The following IL1RAPL2 variants were observed in gnomAD, a reference collection of about 807,000 sequenced individuals.
IL1RAPL2 encodes the protein interleukin 1 receptor accessory protein like 2, also known as X-linked interleukin-1 receptor accessory protein-like 2.
Under a neutral mutation model 44.1 loss-of-function variants are expected in IL1RAPL2, and 3 were observed. That is an observed-to-expected ratio of 0.07 (90% CI 0.03 to 0.18). IL1RAPL2 has a LOEUF of 0.18. Among genes scored for constraint, IL1RAPL2 ranks in the 10% least tolerant of loss-of-function variants. The pLI is 1.00. For synonymous variants in IL1RAPL2, 181 were observed against 178.8 expected, an observed-to-expected ratio of 1.01 and a Z score of -0.10; for missense variants, 391 against 496.4, an observed-to-expected ratio of 0.79 and a Z score of 2.02.
chrX:105,647,050 G>A (rs937174649), intron 6 of IL1RAPL2, among the ~76,000 whole-genome samples: 2 of 112,293 alleles, frequency 1.8e-5, no homozygotes, highest in African/African-American at 6.5e-5. Flanking sequence ...ATTAGAAGCC[G>A]TGGCTCACGG....
intron 2 of IL1RAPL2, among the ~76,000 whole-genome samples, chrX:104,863,286 A>T (rs1305053549): frequency 1.8e-5 from 2 of 111,725 alleles, no homozygotes; most frequent in Admixed American, 1.9e-4. Context: ...CAGCCAGTTG[A>T]TAAATGTGGA....
chrX:105,086,260 T>TACACACAC (rs57243276), intron 2 of IL1RAPL2, among the ~76,000 whole-genome samples: 1,794 of 107,748 alleles, frequency 0.017, 42 homozygotes, highest in African/African-American at 0.058. Context: ...GAAAATGTGA[T>TACACACAC]ACACACACAC....
At chrX:105,041,429 A>G (rs1313307093) in intron 2 of IL1RAPL2, among the ~76,000 whole-genome samples, 1 of 110,344 alleles carries the variant, frequency 9.1e-6, no homozygotes, top group Non-Finnish European at 1.9e-5. Flanking sequence ...ATTCCTGGGT[A>G]TCCTTGTTGA....
chrX:105,605,535 A>G (rs1344301519), intron 6 of IL1RAPL2, among the ~76,000 whole-genome samples: 1 of 111,900 alleles, frequency 8.9e-6, no homozygotes, highest in African/African-American at 3.2e-5. Flanking sequence ...AAAATAATCT[A>G]TAGATTCAAT....
intron 2 of IL1RAPL2, among the ~76,000 whole-genome samples, chrX:105,096,004 C>A (rs1350020337): frequency 1.8e-5 from 2 of 111,373 alleles, no homozygotes; most frequent in Admixed American, 9.6e-5. Context: ...AATGAAAACA[C>A]ACCTTAAATT....
intron 6 of IL1RAPL2, among the ~76,000 whole-genome samples, chrX:105,648,989 G>T (rs185362335): frequency 5.4e-5 from 6 of 111,376 alleles, no homozygotes; most frequent in African/African-American, 2.0e-4. Context: ...TAAAGCTGGG[G>T]TTAAAGCCTT....
chrX:105,348,387 G>C (rs2035127284), intron 5 of IL1RAPL2, among the ~76,000 whole-genome samples: 1 of 111,920 alleles, frequency 8.9e-6, no homozygotes. Context: ...CTCCATTTAA[G>C]AAATGAATAC....
intron 2 of IL1RAPL2, among the ~76,000 whole-genome samples, chrX:104,782,663 C>A (rs780713352): frequency 1.9e-4 from 21 of 111,085 alleles, no homozygotes; most frequent in Non-Finnish European, 3.6e-4. Context: ...TCAGCATTTT[C>A]TTTGCTGAGC....
intron 4 of IL1RAPL2, among the ~76,000 whole-genome samples, chrX:105,246,526 G>A (rs1175447181): frequency 9.0e-6 from 1 of 111,629 alleles, no homozygotes; most frequent in African/African-American, 3.3e-5. Flanking sequence ...CTAAATGCAA[G>A]TAAACAGAAA....
At chrX:105,065,181 A>G (rs1301090835) in intron 2 of IL1RAPL2, among the ~76,000 whole-genome samples, 1 of 111,881 alleles carries the variant, frequency 8.9e-6, no homozygotes, top group Admixed American at 9.5e-5. Flanking sequence ...TATTGAGTCA[A>G]ATTTAAATAA....
At chrX:105,037,357 A>G (rs1288290300) in intron 2 of IL1RAPL2, among the ~76,000 whole-genome samples, 1 of 110,971 alleles carries the variant, frequency 9.0e-6, no homozygotes, top group Non-Finnish European at 1.9e-5. Flanking sequence ...AACAGAGTGA[A>G]GTATTCTTGT....
intron 6 of IL1RAPL2, among the ~76,000 whole-genome samples, chrX:105,510,933 G>A: frequency 8.9e-6 from 1 of 111,925 alleles, no homozygotes; most frequent in Non-Finnish European, 1.9e-5. Context: ...AACTTGCACA[G>A]CAATAGATAA....
At chrX:105,618,104 ATC>A (rs749989862) in intron 6 of IL1RAPL2, among the ~76,000 whole-genome samples, 2 of 105,541 alleles carry the variant, frequency 1.9e-5, no homozygotes, top group African/African-American at 7.2e-5. Context: ...CGCTCTCTGT[ATC>A]TCTCTCTCTC....
chrX:105,349,444 A>C (rs1476457637), intron 5 of IL1RAPL2, among the ~76,000 whole-genome samples: 1 of 111,731 alleles, frequency 9.0e-6, no homozygotes, highest in Non-Finnish European at 1.9e-5. Context: ...ACATGTGTAC[A>C]TGTTTCTCTC....
intron 5 of IL1RAPL2, among the ~76,000 whole-genome samples, chrX:105,292,552 A>G (rs1463141059): frequency 3.6e-5 from 4 of 112,240 alleles, no homozygotes; most frequent in Non-Finnish European, 7.5e-5. Flanking sequence ...AGAATCAGAT[A>G]TGATAATTTA....
chrX:105,135,531 T>G (rs745316824), intron 2 of IL1RAPL2, among the ~76,000 whole-genome samples: 30 of 111,874 alleles, frequency 2.7e-4, no homozygotes, highest in Admixed American at 6.7e-4. Context: ...GAAATATATT[T>G]GACACTACTA....
intron 2 of IL1RAPL2, among the ~76,000 whole-genome samples, chrX:104,844,805 A>T (rs1922008662): frequency 8.9e-6 from 1 of 111,772 alleles, no homozygotes; most frequent in African/African-American, 3.3e-5. Flanking sequence ...CACATAGCAT[A>T]TTTTGTGAAA....
intron 1 of IL1RAPL2, among the ~76,000 whole-genome samples, chrX:104,572,634 AC>A (rs1928168389): frequency 8.9e-6 from 1 of 111,748 alleles, no homozygotes; most frequent in African/African-American, 3.3e-5. Context: ...TCACTCTGCC[AC>A]CCAGGCTGGA....
chrX:104,811,602 G>T (rs1365635143), intron 2 of IL1RAPL2, among the ~76,000 whole-genome samples: 2 of 110,711 alleles, frequency 1.8e-5, no homozygotes, highest in Non-Finnish European at 3.8e-5. Flanking sequence ...CAAAGTGTGG[G>T]AGATGTCTGG....
Sources: gnomAD v4.1 joint callset for allele counts (sites outside exome capture counted in the v4.1 genomes callset) on GRCh38, gnomAD v4.1.1 for gene constraint, MANE v1.5 for transcripts, NCBI Gene and HGNC (gene_info 2026-07-23, HGNC 2026-07-21) for gene names.